VCPKMT: variants seen among roughly 807,000 people sequenced by gnomAD.
VCPKMT encodes the protein protein N-lysine methyltransferase METTL21D.
VCPKMT carries 32 observed loss-of-function variants against 28.6 expected under a neutral mutation model. The ratio of observed to expected loss-of-function variants is 1.12; its 90% CI spans 0.84 to 1.50. VCPKMT has a LOEUF of 1.50. VCPKMT is among the 40% of genes most tolerant of loss of function. The pLI is 0.00. For synonymous variants in VCPKMT, 138 were observed against 111.4 expected (o/e 1.24, Z -1.50); for missense variants, 366 against 285.0 (o/e 1.28, Z -2.05).
downstream of VCPKMT, among the ~76,000 whole-genome samples, chr14:50,105,928 CTGTT>C (rs553509285): frequency 4.6e-5 from 7 of 152,208 alleles, no homozygotes; most frequent in South Asian, 2.1e-4. Context: ...AAGTTCAGTC[CTGTT>C]TATTTTAAAA....
downstream of VCPKMT, among the ~76,000 whole-genome samples, chr14:50,107,233 T>A (rs1320473722): frequency 6.6e-6 from 1 of 152,194 alleles, no homozygotes; most frequent in African/African-American, 2.4e-5. Context: ...GTCCTAACCA[T>A]CAGTGGTCGA....
At chr14:50,115,737 C>T (rs1234038032) in intron 3 of VCPKMT, 102 bp downstream of exon 3, 3 of 1,370,488 alleles carry the variant, frequency 2.2e-6, no homozygotes, top group East Asian at 4.6e-5. Flanking sequence ...TAAGGCAAAT[C>T]CCGGATTCAA....
Position 50,113,717 on chromosome 14 carries a change from A to T in VCPKMT, c.570+568T>A, listed in dbSNP as rs188700993. Among the ~76,000 whole-genome samples the T allele has an allele frequency of 4.7e-4, 71 of 150,102 alleles. 1 individual carries two copies. The East Asian group carries it at 0.013, about 28-fold the overall frequency. On this transcript the variant is annotated intron_variant, in intron 4 of 5. Transcript: ENST00000395860. ...AACTTATCACTTGGCAACATGGGAA[A>T]ACCCCATCTCTACAAAAAAATACAA...
chr14:50,116,274 C>A lies in VCPKMT; in HGVS notation c.266+13G>T. On this transcript the variant is annotated intron_variant, in intron 1 of 5. Coordinates refer to ENST00000395860, the MANE Select transcript of VCPKMT (RefSeq NM_024558.3). ...AAGGCGCCCCCACATCCCGCCCGCC[C>A]GCCAGCTCTTACCCGAGGGTAGCAG... 6.2e-7 allele frequency: 1 copy of A among 1,605,338 alleles called. No homozygotes were observed. The highest frequency in any genetic ancestry group is 8.5e-7 in the Non-Finnish European group (1 of 1,175,980).
At position 50,113,314 on chromosome 14, in the gene VCPKMT, C is replaced by T. The variant is rs571104644; in HGVS notation, c.571-595G>A. The T allele has an allele frequency of 2.0e-5, 3 of 152,224 alleles. No homozygotes were observed. In the South Asian group the frequency reaches 6.2e-4, roughly 32 times the overall value. 9.4% of individuals were successfully genotyped at this position (152,224 alleles called of 1,614,324 possible). On this transcript the variant is annotated intron_variant, in intron 4 of 5. Coordinates refer to ENST00000395860, the MANE Select transcript of VCPKMT (RefSeq NM_024558.3). ...ATGCATCATTTCAAAAGTTCATGAA[C>T]ATTTTTCATATTCAAGAAAAACATG...
chr14:50,109,761 AT>A (rs1451591777), intron 5 of VCPKMT, 48 bp from the exon 6 acceptor site: 1 of 1,572,390 alleles, frequency 6.4e-7, no homozygotes, highest in South Asian at 1.2e-5. Flanking sequence ...ACCACAAACT[AT>A]TTACTGGGTA....
Position 50,116,114 on chromosome 14 carries a change from T to C in VCPKMT, c.332A>G (p.Asn111Ser). 6.2e-7 allele frequency: 1 copy of C among 1,614,012 alleles called. No homozygotes were observed. Reference protein sequence around the residue: ...QDLLKMNINMNKHLVTGSVQA... With the variant: ...QDLLKMNINMSKHLVTGSVQA... ...AACAGAACCAGTGACAAGATGCTTG[T>C]TCATATTAATATTCATCTTCAGCAA... Residue 111 changes from asparagine (N) to serine (S), a missense_variant, in exon 2 of 6, where the codon AAC (asparagine) becomes AGC (serine). Asn to Ser is a conservative substitution (Grantham distance 46). Transcript: ENST00000395860.
chr14:50,109,326 G>A lies in VCPKMT; in HGVS notation c.*373C>T. On this transcript the variant is annotated 3_prime_UTR_variant, in exon 6 of 6. Transcript: ENST00000395860. ...AAACATTATTATATAATAGCAGATA[G>A]TTCTCTTCAGAAATTTATCTCTAGC... 9.8e-7 allele frequency: 1 copy of A among 1,018,168 alleles called. No homozygotes were observed. Among genetic ancestry groups the A allele is most frequent in the Non-Finnish European group, 1.2e-6 (1 of 852,156 alleles). 63.1% of individuals were successfully genotyped at this position (1,018,168 alleles called of 1,614,324 possible). A position where few individuals can be genotyped will look rare whatever the true frequency, so the allele number is the denominator to read the frequency against.
intron 3 of VCPKMT, among the ~76,000 whole-genome samples, chr14:50,115,343 G>C (rs1284531050): frequency 6.6e-6 from 1 of 151,940 alleles, no homozygotes; most frequent in Non-Finnish European, 1.5e-5. Context: ...GTAGAGACAG[G>C]GTTTTGCCAT....
intron 5 of VCPKMT, 119 bp from the exon 6 acceptor site, chr14:50,109,832 T>C (rs1882524782): frequency 1.7e-6 from 2 of 1,206,782 alleles, no homozygotes; most frequent in Non-Finnish European, 2.2e-6. Flanking sequence ...AGTGGCTACA[T>C]GCAATTCAAG....
downstream of VCPKMT, among the ~76,000 whole-genome samples, chr14:50,103,680 C>T (rs545085326): frequency 6.6e-6 from 1 of 152,192 alleles, no homozygotes; most frequent in South Asian, 2.1e-4. Context: ...TTTTCTTCCC[C>T]GTATCTTCTT....
chr14:50,114,239 C>A (rs780413466), intron 4 of VCPKMT, 46 bp downstream of exon 4: 1 of 1,444,866 alleles, frequency 6.9e-7, no homozygotes, highest in Admixed American at 2.6e-5. Flanking sequence ...ATACAGCCCC[C>A]CTGAAGGGAA....
chr14:50,111,812 C>A, intron 5 of VCPKMT: 1 of 789,512 alleles, frequency 1.3e-6, no homozygotes, highest in South Asian at 5.8e-5. Context: ...CTTCTTGAGC[C>A]TGCAAGGCAG....
At chr14:50,106,454 C>T (rs149288646), downstream of VCPKMT, 3,832 of 698,932 alleles carry the variant, frequency 5.5e-3, 10 homozygotes, top group Non-Finnish European at 6.3e-3. Flanking sequence ...ATCCATTGCA[C>T]TTGCCTTTTA....
chr14:50,110,255 A>G (rs1318216619), intron 5 of VCPKMT, among the ~76,000 whole-genome samples: 2 of 152,198 alleles, frequency 1.3e-5, no homozygotes, highest in African/African-American at 4.8e-5. Flanking sequence ...TCAAAAGAAA[A>G]ATAAGAAAAT....
At chr14:50,107,253 T>C (rs1882358501), downstream of VCPKMT, among the ~76,000 whole-genome samples, 1 of 152,152 alleles carries the variant, frequency 6.6e-6, no homozygotes, top group Non-Finnish European at 1.5e-5. Flanking sequence ...AATCTTAGAA[T>C]GTGAGGATTG....
intron 5 of VCPKMT, chr14:50,111,372 C>G (rs2139432572): frequency 1.0e-6 from 1 of 985,392 alleles, no homozygotes; most frequent in East Asian, 1.1e-4. Context: ...TGCCTTTTTA[C>G]TTAGATTTAG....
downstream of VCPKMT, chr14:50,106,560 C>T (rs1223030602): frequency 1.0e-6 from 1 of 985,416 alleles, no homozygotes; most frequent in Non-Finnish European, 1.2e-6. Flanking sequence ...CTTCAATACC[C>T]CTCAGCCTTA....
rs752525391 is a variant in VCPKMT, at chr14:50,116,097, C to T, written c.349G>A (p.Gly117Ser). 2.5e-6 allele frequency: 4 copies of T among 1,613,380 alleles called. No homozygotes were observed. The highest frequency in any genetic ancestry group is 2.7e-5 in the African/African-American group (2 of 74,898). ...NINMNKHLVT[G>S]SVQAKVLKWG... is the part of the protein sequence containing the mutation. Reference sequence around the variant, plus strand: ...TTCAGTACCTTGGCTTGAACAGAACCAGTGACAAGATGCTTGTTCATATTA... The same window carrying T: ...TTCAGTACCTTGGCTTGAACAGAACTAGTGACAAGATGCTTGTTCATATTA... The change falls in exon 2 of 6, where the codon GGT (glycine) becomes AGT (serine). Residue 117 changes from glycine to serine, a missense_variant. By Grantham distance (56) the Gly-to-Ser change is moderately conservative. Coordinates refer to ENST00000395860, the MANE Select transcript of VCPKMT (RefSeq NM_024558.3).
Sources: allele counts gnomAD v4.1 joint callset (sites outside exome capture counted in the v4.1 genomes callset), GRCh38; gene constraint gnomAD v4.1.1; transcripts MANE v1.5; gene names NCBI Gene and HGNC (gene_info 2026-07-23, HGNC 2026-07-21).